Variants in AQP7 observed in about 807,000 individuals in gnomAD.
AQP7 encodes the protein aquaporin 7, also known as aquaporin-7.
In AQP7, 22 loss-of-function variants were observed where a neutral mutation model predicts 26.1. The observed-to-expected ratio is 0.84, with a 90% confidence interval of 0.60 to 1.20. The LOEUF (loss-of-function observed/expected upper bound fraction) is 1.20, where lower values mean the gene tolerates loss of function less well. Ranked by LOEUF, AQP7 falls within the 50% of genes most tolerant of loss-of-function variation. The pLI is 0.00. For missense variants in AQP7, 412 were observed against 457.5 expected, an observed-to-expected ratio of 0.90 and a Z score of 0.91; for synonymous variants, 167 against 181.7, an observed-to-expected ratio of 0.92 and a Z score of 0.65.
intron 2 of AQP7, chr9:33,400,970 G>C (rs1470019619): frequency 3.7e-6 from 2 of 537,248 alleles, no homozygotes; most frequent in East Asian, 6.3e-5. Context: ...GAGAGGTGCT[G>C]AGTGCAGTTG....
chr9:33,397,486 C>G (rs62544581), intron 2 of AQP7, among the ~76,000 whole-genome samples: 36,853 of 151,510 alleles, frequency 0.24, 5,009 homozygotes, highest in South Asian at 0.34. Flanking sequence ...GTGGATTATC[C>G]GCGCAACTCT....
intron 2 of AQP7, among the ~76,000 whole-genome samples, chr9:33,397,395 C>G (rs1013304311): frequency 2.0e-5 from 3 of 152,080 alleles, no homozygotes; most frequent in Non-Finnish European, 4.4e-5. Context: ...AGGGTCTCTT[C>G]TTCAGGGCTG....
chr9:33,388,809 C>A (rs1275302216), intron 3 of AQP7, among the ~76,000 whole-genome samples: 1 of 152,200 alleles, frequency 6.6e-6, no homozygotes, highest in Admixed American at 6.5e-5. Flanking sequence ...TCAAACCAAA[C>A]AACTGTGCTG....
Position 33,385,065 on chromosome 9 carries a change from G to T in AQP7, c.969C>A (p.Asn323Lys). ...GTGGGGCAGGGTGGACTGAAGATCT[G>T]TTGGCAGGGCTCACAGAGACGGGGG... ...PLTPVSVSPA[N>K]RSSVHPAPPL... The change falls in exon 8 of 8, where the codon AAC becomes AAA. Residue 323 changes from asparagine to lysine, a missense_variant. Coordinates refer to ENST00000297988, the MANE Select transcript of AQP7 (RefSeq NM_001170.3). 1.9e-6 allele frequency: 3 copies of T among 1,611,984 alleles called. No homozygotes were observed. Among genetic ancestry groups the T allele is most frequent in the Non-Finnish European group, 1.7e-6 (2 of 1,179,842 alleles).
intron 3 of AQP7, among the ~76,000 whole-genome samples, chr9:33,394,480 C>G (rs1825678730): frequency 7.0e-6 from 1 of 142,556 alleles, no homozygotes; most frequent in African/African-American, 2.5e-5. Context: ...TTCAATCTCT[C>G]TCTCTCTTTT....
At chr9:33,401,785 T>G (rs1378771870) in intron 1 of AQP7, 2 of 164,902 alleles carry the variant, frequency 1.2e-5, no homozygotes, top group Admixed American at 1.2e-4. Flanking sequence ...AAATTCCCCT[T>G]TGTACTCCTA....
chr9:33,385,420 G>A, intron 7 of AQP7, 130 bp from the exon 8 acceptor site: 1 of 1,147,140 alleles, frequency 8.7e-7, no homozygotes, highest in Non-Finnish European at 1.2e-6. Context: ...CCCAACCCAG[G>A]GCCCTGGTCA....
intron 2 of AQP7, among the ~76,000 whole-genome samples, chr9:33,396,121 C>A (rs567459883): frequency 6.6e-6 from 1 of 151,878 alleles, no homozygotes; most frequent in Non-Finnish European, 1.5e-5. Flanking sequence ...GGGAAGGTGG[C>A]GGGGTGGGCC....
At chr9:33,401,048 C>T (rs1826235262) in intron 2 of AQP7, 189 bp downstream of exon 2, 5 of 654,840 alleles carry the variant, frequency 7.6e-6, no homozygotes, top group Non-Finnish European at 1.4e-5. Flanking sequence ...ACCCCAGGAC[C>T]CAGCCCAGGC....
intron 3 of AQP7, among the ~76,000 whole-genome samples, chr9:33,392,097 T>G (rs1825462186): frequency 6.6e-6 from 1 of 152,110 alleles, no homozygotes; most frequent in Non-Finnish European, 1.5e-5. Flanking sequence ...GAGGATCACT[T>G]GAAGTCAGGA....
chr9:33,397,105 A>T (rs1326387952), intron 2 of AQP7, among the ~76,000 whole-genome samples: 2 of 151,454 alleles, frequency 1.3e-5, no homozygotes, highest in Non-Finnish European at 2.9e-5. Context: ...TGTCTCAAAA[A>T]AAAAAAAAAA....
chr9:33,398,973 C>CTT lies in AQP7; in HGVS notation c.26+2262_26+2263dup, dbSNP rs10533009. ...CCTGTTTCTTTTCTTTTTCTTTTTC[C>CTT]TTTTTTTTTTTTTTTGAGACAGGGT... On this transcript the variant is annotated intron_variant, in intron 2 of 7. Coordinates refer to ENST00000297988, the MANE Select transcript of AQP7 (RefSeq NM_001170.3). Among the ~76,000 whole-genome samples, 396 of 139,382 alleles carry CTT rather than the reference C, an allele frequency of 2.8e-3. 4 individuals are homozygous for CTT. Among genetic ancestry groups the CTT allele is most frequent in the Non-Finnish European group, 3.8e-3 (245 of 65,142 alleles). 91.4% of individuals were successfully genotyped at this position (139,382 alleles called of 152,430 possible).
At chr9:33,394,712 G>T (rs1437969516) in intron 3 of AQP7, among the ~76,000 whole-genome samples, 2 of 152,022 alleles carry the variant, frequency 1.3e-5, no homozygotes, top group East Asian at 3.9e-4. Flanking sequence ...TGGCCAGGCT[G>T]GTTTCGAACT....
Position 33,383,514 on chromosome 9 carries a change from AACCC to A in AQP7, c.*1487_*1490del. The A allele has an allele frequency of 6.6e-6, 1 of 152,236 alleles. No homozygotes were observed. Among genetic ancestry groups the A allele is most frequent in the Non-Finnish European group, 1.5e-5 (1 of 68,102 alleles). The allele number at this position is 152,236 out of a possible 1,614,324, so 9.4% of individuals were successfully genotyped here. ...TCCCTCACCCACTCCATCCAAATGG[AACCC>A]AAGTCCTGTACATTGTACTTCTCCG... On this transcript the variant is annotated 3_prime_UTR_variant, in exon 8 of 8. Coordinates refer to ENST00000297988, the MANE Select transcript of AQP7 (RefSeq NM_001170.3).
At chr9:33,395,389 G>C (rs1825773422) in intron 2 of AQP7, 194 bp from the exon 3 acceptor site, 1 of 599,788 alleles carries the variant, frequency 1.7e-6, no homozygotes, top group Non-Finnish European at 3.0e-6. Context: ...GAGGAACTGG[G>C]GTAGATGGCC....
intron 2 of AQP7, among the ~76,000 whole-genome samples, chr9:33,396,258 A>G (rs1373063168): frequency 6.6e-6 from 1 of 151,908 alleles, no homozygotes; most frequent in Non-Finnish European, 1.5e-5. Flanking sequence ...ACCAAGATAG[A>G]GAAACCCCAT....
chr9:33,395,133 T>C lies in AQP7; in HGVS notation c.89A>G (p.Gln30Arg). 1 of 1,613,954 alleles carries C rather than the reference T, an allele frequency of 6.2e-7. No homozygotes were observed. The highest frequency in any genetic ancestry group is 1.7e-4 in the Middle Eastern group (1 of 6,054). The change falls in exon 3 of 8, where the codon CAG (glutamine) becomes CGG (arginine). Residue 30 changes from glutamine (Q) to arginine (R), a missense_variant. Gln to Arg is a conservative substitution (Grantham distance 43, BLOSUM62 1). Coordinates refer to ENST00000297988, the MANE Select transcript of AQP7 (RefSeq NM_001170.3). ...CAGGAACTCTCGCACCATCTTCCTC[T>C]GCAGTATTTCCTGGATCTTTGCTAT... Reference protein sequence around the residue: ...SVIAKIQEILQRKMVREFLAE... With the variant: ...SVIAKIQEILRRKMVREFLAE...
intron 3 of AQP7, among the ~76,000 whole-genome samples, chr9:33,388,213 C>T (rs543535567): frequency 6.6e-6 from 1 of 152,276 alleles, no homozygotes; most frequent in East Asian, 1.9e-4. Flanking sequence ...GCGTCTCAGG[C>T]TCTGTTGAAG....
At chr9:33,389,464 C>CA (rs1467141260) in intron 3 of AQP7, among the ~76,000 whole-genome samples, 1 of 152,204 alleles carries the variant, frequency 6.6e-6, no homozygotes, top group Non-Finnish European at 1.5e-5. Context: ...TGTGAGCCAC[C>CA]ATGCCTGGCC....
Sources: allele counts gnomAD v4.1 joint callset (sites outside exome capture counted in the v4.1 genomes callset), GRCh38; gene constraint gnomAD v4.1.1; transcripts MANE v1.5; gene names NCBI Gene and HGNC (gene_info 2026-07-23, HGNC 2026-07-21).